Variants in RASGEF1C observed in about 807,000 individuals in gnomAD.
The protein encoded by RASGEF1C is ras-GEF domain-containing family member 1C.
A neutral mutation model predicts 58.1 loss-of-function variants in RASGEF1C; 27 were observed. The ratio of observed to expected loss-of-function variants is 0.46; its 90% CI spans 0.34 to 0.64. The LOEUF (loss-of-function observed/expected upper bound fraction) is 0.64. Among genes scored for constraint, RASGEF1C ranks in the 30% least tolerant of loss-of-function variants. The pLI is 0.01. For missense variants in RASGEF1C, 502 were observed against 605.1 expected (o/e 0.83, Z 1.79); for synonymous variants, 243 against 246.3 (o/e 0.99, Z 0.13).
At chr5:180,190,381 T>A (rs1392289646) in intron 1 of RASGEF1C, among the ~76,000 whole-genome samples, 2 of 150,194 alleles carry the variant, frequency 1.3e-5, no homozygotes, top group African/African-American at 4.9e-5. Context: ...TCCCAGCTAC[T>A]CGGGAGGCTG....
intron 1 of RASGEF1C, among the ~76,000 whole-genome samples, chr5:180,201,888 T>C (rs1442668948): frequency 6.6e-6 from 1 of 152,186 alleles, no homozygotes; most frequent in Non-Finnish European, 1.5e-5. Context: ...CCTCACCAAA[T>C]ACCTTGATCT....
At chr5:180,141,541 G>A (rs755264398) in intron 1 of RASGEF1C, among the ~76,000 whole-genome samples, 3 of 152,162 alleles carry the variant, frequency 2.0e-5, no homozygotes, top group Non-Finnish European at 4.4e-5. Flanking sequence ...GTGGGACGGC[G>A]AGTGCCAGGG....
At chr5:180,192,060 G>A (rs943200579) in intron 1 of RASGEF1C, among the ~76,000 whole-genome samples, 4 of 152,148 alleles carry the variant, frequency 2.6e-5, no homozygotes, top group South Asian at 4.1e-4. Flanking sequence ...CTCTAGCTTC[G>A]TGTCTGTCTG....
At chr5:180,117,128 C>T (rs892511134) in intron 10 of RASGEF1C, among the ~76,000 whole-genome samples, 6 of 152,366 alleles carry the variant, frequency 3.9e-5, no homozygotes, top group African/African-American at 1.4e-4. Context: ...AGGCCGCCAC[C>T]TGCCCTGGGA....
At chr5:180,128,329 C>T (rs1383784481) in intron 5 of RASGEF1C, 81 bp downstream of exon 5, 1 of 1,319,200 alleles carries the variant, frequency 7.6e-7, no homozygotes, top group African/African-American at 1.4e-5. Context: ...TGGGGCTGCT[C>T]TGGGAAGCCA....
At chr5:180,157,874 A>G (rs1405169513) in intron 1 of RASGEF1C, among the ~76,000 whole-genome samples, 1 of 152,294 alleles carries the variant, frequency 6.6e-6, no homozygotes, top group East Asian at 1.9e-4. Flanking sequence ...GCCTGATACT[A>G]TAATGGTGGA....
chr5:180,202,664 A>T (rs4700917), intron 1 of RASGEF1C, among the ~76,000 whole-genome samples: 121,532 of 152,012 alleles, frequency 0.8, 48,653 homozygotes, highest in East Asian at 0.95. Flanking sequence ...GCAAGAGTAT[A>T]GAAAGCAAGC....
At chr5:180,113,189 AT>A (rs1461515699) in intron 11 of RASGEF1C, among the ~76,000 whole-genome samples, 6 of 91,630 alleles carry the variant, frequency 6.5e-5, no homozygotes, top group African/African-American at 1.5e-4. Context: ...GGACGGAGGG[AT>A]CCAGGATGGA....
intron 1 of RASGEF1C, among the ~76,000 whole-genome samples, chr5:180,174,480 CTG>C (rs10531393): frequency 0.2 from 25,242 of 126,760 alleles, 2,510 homozygotes; most frequent in Non-Finnish European, 0.25. Flanking sequence ...GTATGTGTGT[CTG>C]TGTGTGCGCG....
chr5:180,185,502 C>G (rs1160358661), intron 1 of RASGEF1C, among the ~76,000 whole-genome samples: 1 of 151,902 alleles, frequency 6.6e-6, no homozygotes, highest in Non-Finnish European at 1.5e-5. Flanking sequence ...GGAGAATCAC[C>G]TTTACCCGGG....
chr5:180,132,767 G>A (rs1369690724), intron 4 of RASGEF1C, among the ~76,000 whole-genome samples: 1 of 152,126 alleles, frequency 6.6e-6, no homozygotes, highest in Non-Finnish European at 1.5e-5. Flanking sequence ...TCAGGAGTTC[G>A]AGACAAGCCT....
chr5:180,118,199 G>A (rs1766101243), intron 10 of RASGEF1C, among the ~76,000 whole-genome samples: 1 of 152,162 alleles, frequency 6.6e-6, no homozygotes, highest in African/African-American at 2.4e-5. Context: ...AAATGGAGCT[G>A]TTTAGGGACC....
chr5:180,113,285 TCCAGGATGGACGGAGGGAC>T (rs1582261617), intron 11 of RASGEF1C, among the ~76,000 whole-genome samples: 1 of 27,018 alleles, frequency 3.7e-5, no homozygotes, highest in Non-Finnish European at 6.8e-5. Context: ...GACGGAGGGA[TCCAGGATGGACGGAGGGAC>T]CGGGGATGGA....
At chr5:180,113,453 G>T (rs1330053074) in intron 11 of RASGEF1C, among the ~76,000 whole-genome samples, 1 of 57,630 alleles carries the variant, frequency 1.7e-5, no homozygotes, top group Non-Finnish European at 3.7e-5. Context: ...ATGGACGGAG[G>T]GACCGGGGAT....
chr5:180,182,411 G>A lies in RASGEF1C; in HGVS notation c.-7+26617C>T, dbSNP rs562964683. On this transcript the variant is annotated intron_variant, in intron 1 of 13. Transcript: ENST00000361132. ...GGACCCAAACAGTGAGCAGCCGCAA[G>A]ATTTATTGTGAAGACCAAAAGAACT... Among the ~76,000 whole-genome samples the A allele has an allele frequency of 3.3e-4, 50 of 152,168 alleles. No individual in the cohort carries two copies. The South Asian group carries it at 5.0e-3, about 15-fold the overall frequency.
At chr5:180,131,850 C>A (rs1766375315) in intron 4 of RASGEF1C, among the ~76,000 whole-genome samples, 1 of 152,204 alleles carries the variant, frequency 6.6e-6, no homozygotes, top group African/African-American at 2.4e-5. Flanking sequence ...TTGAATGAAC[C>A]AATATTCATT....
At chr5:180,125,162 A>G (rs12521218) in intron 6 of RASGEF1C, among the ~76,000 whole-genome samples, 1 of 152,082 alleles carries the variant, frequency 6.6e-6, no homozygotes, top group Non-Finnish European at 1.5e-5. Flanking sequence ...ACAACAAAAA[A>G]CCCAAAACAA....
At chr5:180,152,497 G>T (rs914260962) in intron 1 of RASGEF1C, among the ~76,000 whole-genome samples, 6 of 148,240 alleles carry the variant, frequency 4.0e-5, no homozygotes, top group African/African-American at 1.5e-4. Flanking sequence ...CTCACTCATA[G>T]GTGGGAATTG....
intron 4 of RASGEF1C, among the ~76,000 whole-genome samples, chr5:180,135,908 T>C (rs1304806682): frequency 6.6e-6 from 1 of 152,106 alleles, no homozygotes; most frequent in Non-Finnish European, 1.5e-5. Context: ...GCCATTTTCC[T>C]TGCTACTGTT....
Sources: allele counts gnomAD v4.1 joint callset (sites outside exome capture counted in the v4.1 genomes callset), GRCh38; gene constraint gnomAD v4.1.1; transcripts MANE v1.5; gene names NCBI Gene and HGNC (gene_info 2026-07-23, HGNC 2026-07-21).